SLC20A2: variants seen among roughly 807,000 people sequenced by gnomAD.
SLC20A2 encodes sodium-dependent phosphate transporter 2.
Under a neutral mutation model 61.0 loss-of-function variants are expected in SLC20A2, and 30 were observed. The observed-to-expected ratio is 0.49, with a 90% CI of 0.37 to 0.67. The LOEUF is 0.67. Ranked by LOEUF, SLC20A2 falls within the 30% of genes least tolerant of loss-of-function variation. The pLI, the probability that SLC20A2 is intolerant of heterozygous loss-of-function variation, is 0.00. For synonymous variants in SLC20A2, 351 were observed against 353.3 expected, an observed-to-expected ratio of 0.99 and a Z score of 0.07; for missense variants, 626 against 866.4, an observed-to-expected ratio of 0.72 and a Z score of 3.48.
At chr8:42,525,465 C>T (rs925077704) in intron 1 of SLC20A2, among the ~76,000 whole-genome samples, 1 of 151,380 alleles carries the variant, frequency 6.6e-6, no homozygotes, top group African/African-American at 2.4e-5. Context: ...ACCTGTAATC[C>T]CAGCTACTCA....
intron 5 of SLC20A2, among the ~76,000 whole-genome samples, chr8:42,445,101 G>A (rs563855684): frequency 6.6e-6 from 1 of 151,868 alleles, no homozygotes; most frequent in African/African-American, 2.4e-5. Context: ...AGATCAGCCT[G>A]GCCAATATAG....
chr8:42,440,728 T>C (rs1486238582), intron 6 of SLC20A2, among the ~76,000 whole-genome samples: 2 of 152,244 alleles, frequency 1.3e-5, no homozygotes, highest in Non-Finnish European at 2.9e-5. Context: ...ATCAGCAACG[T>C]ACGAGGTTCC....
At chr8:42,435,926 G>A (rs2130996041) in intron 8 of SLC20A2, among the ~76,000 whole-genome samples, 1 of 152,184 alleles carries the variant, frequency 6.6e-6, no homozygotes, top group Non-Finnish European at 1.5e-5. Context: ...AGACCAGCCT[G>A]GCCAACATGG....
At chr8:42,511,101 C>T (rs1199758278) in intron 1 of SLC20A2, among the ~76,000 whole-genome samples, 2 of 151,924 alleles carry the variant, frequency 1.3e-5, no homozygotes, top group Non-Finnish European at 2.9e-5. Context: ...AGTGGAGAGC[C>T]GCCAGCTTCA....
chr8:42,465,702 AAAG>A, intron 3 of SLC20A2, 72 bp downstream of exon 3: 1 of 1,456,656 alleles, frequency 6.9e-7, no homozygotes, highest in Non-Finnish European at 9.2e-7. Flanking sequence ...AAAAAAAAAA[AAAG>A]TAACTTGTAA....
intron 1 of SLC20A2, among the ~76,000 whole-genome samples, chr8:42,498,309 A>T (rs1810078064): frequency 6.6e-6 from 1 of 152,162 alleles, no homozygotes; most frequent in African/African-American, 2.4e-5. Context: ...CTTCCCAGCT[A>T]TGGAGGAGAA....
In SLC20A2 at chr8:42,439,735, T is replaced by A. The variant is rs1804627053; in HGVS notation, c.731-82A>T. 6 of 1,059,808 alleles carry A rather than the reference T, an allele frequency of 5.7e-6. No homozygotes were observed. In the East Asian group the frequency reaches 9.6e-5, roughly 17 times the overall value. The allele number at this position is 1,059,808 out of a possible 1,614,324, so 65.7% of individuals were successfully genotyped here. A position where few individuals can be genotyped will look rare whatever the true frequency, so the allele number is the denominator to read the frequency against. ...ATGAATATTAAAAAGTGAATCTATA[T>A]CTTTATGCTTTAGCACTGATTTTGG... On this transcript the variant is annotated intron_variant, in intron 6 of 10. Transcript: ENST00000520262.
At chr8:42,471,531 G>C (rs887741296) in intron 2 of SLC20A2, among the ~76,000 whole-genome samples, 7 of 152,146 alleles carry the variant, frequency 4.6e-5, no homozygotes, top group African/African-American at 1.7e-4. Context: ...CAAAACAAAA[G>C]CCAACAAAAG....
intron 3 of SLC20A2, among the ~76,000 whole-genome samples, chr8:42,464,178 G>C (rs1356980538): frequency 1.6e-4 from 22 of 136,256 alleles, no homozygotes; most frequent in African/African-American, 6.2e-4. Flanking sequence ...CATAATCATG[G>C]CTCACTGCAG....
chr8:42,491,704 A>G (rs1316314944), intron 1 of SLC20A2, among the ~76,000 whole-genome samples: 1 of 151,890 alleles, frequency 6.6e-6, no homozygotes, highest in Non-Finnish European at 1.5e-5. Context: ...TCTCTTGATG[A>G]CCATCAGTTT....
At chr8:42,527,081 G>A (rs2923424) in intron 1 of SLC20A2, among the ~76,000 whole-genome samples, 93,774 of 149,014 alleles carry the variant, frequency 0.63, 29,511 homozygotes, top group South Asian at 0.7. Context: ...TCCAGCCTGA[G>A]TAACAGAGTA....
intron 1 of SLC20A2, among the ~76,000 whole-genome samples, chr8:42,536,980 CAGA>C (rs1447220469): frequency 6.6e-6 from 1 of 151,508 alleles, no homozygotes; most frequent in African/African-American, 2.4e-5. Flanking sequence ...GAGGCTGAGG[CAGA>C]AGAATTGCTT....
At chr8:42,447,184 A>G (rs2131068225) in intron 5 of SLC20A2, among the ~76,000 whole-genome samples, 1 of 152,096 alleles carries the variant, frequency 6.6e-6, no homozygotes, top group South Asian at 2.1e-4. Flanking sequence ...TCTACAAAAT[A>G]AAAACAAAAA....
intron 1 of SLC20A2, among the ~76,000 whole-genome samples, chr8:42,479,927 T>C: frequency 6.6e-6 from 1 of 151,848 alleles, no homozygotes; most frequent in East Asian, 1.9e-4. Flanking sequence ...ACTCAGGGGG[T>C]ATGGGTGCTC....
chr8:42,464,279 CTTTCTTTTTTT>C (rs1806975331), intron 3 of SLC20A2, among the ~76,000 whole-genome samples: 1 of 136,816 alleles, frequency 7.3e-6, no homozygotes, highest in African/African-American at 3.0e-5. Flanking sequence ...GGCTAATTTT[CTTTCTTTTTTT>C]TTTTTTTTTG....
chr8:42,438,140 A>C (rs1042741043), intron 7 of SLC20A2, among the ~76,000 whole-genome samples: 2 of 151,840 alleles, frequency 1.3e-5, no homozygotes, highest in Admixed American at 6.6e-5. Context: ...TATTTTCAAA[A>C]CATCTTAAGT....
At chr8:42,503,709 T>A (rs556075571), upstream of SLC20A2, among the ~76,000 whole-genome samples, 1 of 152,308 alleles carries the variant, frequency 6.6e-6, no homozygotes, top group South Asian at 2.1e-4. Context: ...ATCTGGACAA[T>A]CCACATTTCC....
chr8:42,448,683 C>T (rs1354866379), intron 5 of SLC20A2, among the ~76,000 whole-genome samples: 3 of 152,108 alleles, frequency 2.0e-5, no homozygotes, highest in Non-Finnish European at 2.9e-5. Flanking sequence ...AGGAGAGAAA[C>T]GCATCACCCA....
chr8:42,516,448 G>A (rs1280241645), intron 1 of SLC20A2, among the ~76,000 whole-genome samples: 1 of 152,194 alleles, frequency 6.6e-6, no homozygotes, highest in Non-Finnish European at 1.5e-5. Flanking sequence ...CTTGTCCATG[G>A]CTTGGCTTGA....
Sources: gnomAD v4.1 joint callset for allele counts (sites outside exome capture counted in the v4.1 genomes callset) on GRCh38, gnomAD v4.1.1 for gene constraint, MANE v1.5 for transcripts, NCBI Gene and HGNC (gene_info 2026-07-23, HGNC 2026-07-21) for gene names.